Variants in PRELID2 observed in about 807,000 individuals in gnomAD.
PRELID2 encodes the protein PRELI domain containing 2.
Under a neutral mutation model 28.4 loss-of-function variants are expected in PRELID2, and 25 were observed. The observed-to-expected ratio is 0.88, with a 90% CI of 0.64 to 1.23. The LOEUF (loss-of-function observed/expected upper bound fraction) is 1.23. Among genes scored for constraint, PRELID2 ranks in the 50% most tolerant of loss-of-function variants. The pLI, the probability that PRELID2 is intolerant of heterozygous loss-of-function variation, is 0.00. For missense variants in PRELID2, 201 were observed against 214.4 expected (o/e 0.94, Z 0.39); for synonymous variants, 76 against 71.6 (o/e 1.06, Z -0.31).
At chr5:145,331,441 A>T in the PRELID2 span, among the ~76,000 whole-genome samples, 1 of 152,122 alleles carries the variant, frequency 6.6e-6, no homozygotes, top group Non-Finnish European at 1.5e-5. Context: ...TTGCTTTATG[A>T]ATCTGGGTGC....
intron 1 of PRELID2, among the ~76,000 whole-genome samples, chr5:145,718,206 A>G (rs953214717): frequency 7.9e-5 from 12 of 152,054 alleles, no homozygotes; most frequent in African/African-American, 2.7e-4. Context: ...ACAAGCTATT[A>G]GAAAAAATAA....
intron 4 of PRELID2, among the ~76,000 whole-genome samples, chr5:145,805,163 A>T (rs949663121): frequency 6.6e-6 from 1 of 152,222 alleles, no homozygotes; most frequent in African/African-American, 2.4e-5. Context: ...AATGCAATAT[A>T]GTTTTGACAC....
the PRELID2 span, among the ~76,000 whole-genome samples, chr5:145,351,412 C>T: frequency 1.2e-4 from 18 of 152,084 alleles, no homozygotes; most frequent in African/African-American, 4.3e-4. Flanking sequence ...GGAGAAGCCC[C>T]TTATAAAACC....
the PRELID2 span, among the ~76,000 whole-genome samples, chr5:145,432,913 T>A: frequency 6.6e-6 from 1 of 152,180 alleles, no homozygotes; most frequent in South Asian, 2.1e-4. Context: ...GGATTTATAA[T>A]CCCCATCTAA....
intron 1 of PRELID2, among the ~76,000 whole-genome samples, chr5:145,713,874 G>A (rs538592335): frequency 1.3e-4 from 19 of 151,124 alleles, no homozygotes; most frequent in African/African-American, 4.6e-4. Flanking sequence ...CTGAAAGAGG[G>A]GGAGAAAACC....
the PRELID2 span, among the ~76,000 whole-genome samples, chr5:145,444,502 G>C: frequency 6.6e-6 from 1 of 151,926 alleles, no homozygotes; most frequent in Non-Finnish European, 1.5e-5. Context: ...ATAGCTCTGA[G>C]TGCCTGTCTC....
intron 1 of PRELID2, among the ~76,000 whole-genome samples, chr5:145,700,392 A>C (rs116364456): frequency 0.029 from 4,457 of 151,670 alleles, 215 homozygotes; most frequent in African/African-American, 0.1. Context: ...TTTCCCCCCC[A>C]CCACTCTCAA....
chr5:145,439,323 G>A, the PRELID2 span, among the ~76,000 whole-genome samples: 12 of 152,014 alleles, frequency 7.9e-5, no homozygotes, highest in South Asian at 2.1e-4. Flanking sequence ...CCATTCTGGC[G>A]CATCAGCAAC....
chr5:145,736,771 C>T (rs1756508212), intron 1 of PRELID2, among the ~76,000 whole-genome samples: 1 of 152,130 alleles, frequency 6.6e-6, no homozygotes, highest in Non-Finnish European at 1.5e-5. Flanking sequence ...CATGGGAAAA[C>T]AGACTTTGTT....
chr5:145,242,570 A>G, the PRELID2 span, among the ~76,000 whole-genome samples: 1 of 152,086 alleles, frequency 6.6e-6, no homozygotes, highest in African/African-American at 2.4e-5. Context: ...CAGTTTTCAC[A>G]TATGAATTTT....
At chr5:145,828,447 A>T (rs1388321282) in intron 1 of PRELID2, among the ~76,000 whole-genome samples, 1 of 152,226 alleles carries the variant, frequency 6.6e-6, no homozygotes, top group African/African-American at 2.4e-5. Flanking sequence ...CAATGATTTT[A>T]AAATGATTAG....
the PRELID2 span, among the ~76,000 whole-genome samples, chr5:145,278,743 T>C: frequency 1.3e-5 from 2 of 152,146 alleles, no homozygotes; most frequent in Non-Finnish European, 2.9e-5. Context: ...GTAAGGGTCA[T>C]GGAGGTCACC....
chr5:145,298,074 C>T, the PRELID2 span, among the ~76,000 whole-genome samples: 1 of 152,124 alleles, frequency 6.6e-6, no homozygotes, highest in Non-Finnish European at 1.5e-5. Context: ...AATGCCATCC[C>T]CATCAAGCTA....
intron 1 of PRELID2, among the ~76,000 whole-genome samples, chr5:145,646,581 TGAG>T (rs1253325572): frequency 3.3e-5 from 5 of 152,216 alleles, no homozygotes; most frequent in Non-Finnish European, 7.3e-5. Flanking sequence ...CCCTTGCTGT[TGAG>T]GAGTTTTGAT....
At chr5:145,752,827 T>G (rs1173979351), downstream of PRELID2, among the ~76,000 whole-genome samples, 1 of 152,212 alleles carries the variant, frequency 6.6e-6, no homozygotes, top group Non-Finnish European at 1.5e-5. Context: ...TTTTTTGGGT[T>G]TTTTTCTCTG....
At chr5:145,575,686 A>G (rs1753054488) in intron 1 of PRELID2, among the ~76,000 whole-genome samples, 1 of 152,176 alleles carries the variant, frequency 6.6e-6, no homozygotes, top group South Asian at 2.1e-4. Flanking sequence ...AGAAAAATAT[A>G]TTGAAAATAA....
At chr5:145,717,080 T>C (rs747614223) in intron 1 of PRELID2, among the ~76,000 whole-genome samples, 3 of 152,156 alleles carry the variant, frequency 2.0e-5, no homozygotes, top group Non-Finnish European at 2.9e-5. Flanking sequence ...GGAAAAAATA[T>C]TAAGTGAAAA....
intron 1 of PRELID2, among the ~76,000 whole-genome samples, chr5:145,654,587 G>T (rs528204301): frequency 3.9e-5 from 6 of 152,314 alleles, no homozygotes; most frequent in African/African-American, 1.4e-4. Context: ...TGCAAGACTG[G>T]TTCAACATAC....
chr5:145,554,712 A>G, intron 1 of PRELID2, among the ~76,000 whole-genome samples: 1 of 152,230 alleles, frequency 6.6e-6, no homozygotes, highest in East Asian at 1.9e-4. Flanking sequence ...GTTTTTGAAA[A>G]GCCAGGCAGT....
Sources: gnomAD v4.1 joint callset for allele counts (sites outside exome capture counted in the v4.1 genomes callset) on GRCh38, gnomAD v4.1.1 for gene constraint, MANE v1.5 for transcripts, NCBI Gene and HGNC (gene_info 2026-07-23, HGNC 2026-07-21) for gene names.